Variants in GRIK4 observed in about 807,000 individuals in gnomAD.
GRIK4 encodes glutamate ionotropic receptor kainate type subunit 4.
Under a neutral mutation model 104.9 loss-of-function variants are expected in GRIK4, and 40 were observed. The observed-to-expected ratio is 0.38, with a 90% CI of 0.30 to 0.50. GRIK4 has a LOEUF of 0.50. Among genes scored for constraint, GRIK4 ranks in the 20% least tolerant of loss-of-function variants. The probability of loss-of-function intolerance (pLI) is 0.93; values close to 1 mark genes in which losing one functional copy is unlikely to be tolerated. For missense variants in GRIK4, 1,047 were observed against 1,308.1 expected (o/e 0.80, Z 3.08); for synonymous variants, 485 against 524.9 (o/e 0.92, Z 1.04).
In GRIK4 at chr11:120,982,155, C is replaced by T; in HGVS notation, c.2445C>T (p.Gly815=). The T allele has an allele frequency of 1.9e-6, 3 of 1,613,442 alleles. No homozygotes were observed. The part of the protein sequence containing the change: ...IGGIFVVLIC[G]LIVAIFMAML... ...GAATCTTTGTGGTTCTTATTTGTGG[C>T]TTAATCGTGGCCATTTTTATGGCTA... The change falls in exon 20 of 21, where the codon GGC becomes GGT. Residue 815 remains glycine (G), a synonymous_variant. Coordinates refer to ENST00000527524, the MANE Select transcript of GRIK4 (RefSeq NM_014619.5).
At chr11:120,619,991 A>G in intron 1 of GRIK4, 1 of 501,862 alleles carries the variant, frequency 2.0e-6, no homozygotes, top group South Asian at 3.4e-5. Context: ...TGTAATTGGG[A>G]GTTTGGGAAT....
chr11:120,716,485 C>T (rs1379161944), intron 3 of GRIK4, among the ~76,000 whole-genome samples: 1 of 152,148 alleles, frequency 6.6e-6, no homozygotes, highest in Non-Finnish European at 1.5e-5. Flanking sequence ...CTCAAGTGAT[C>T]CACCCACCTT....
At chr11:120,936,052 ATCT>A (rs1373326835) in intron 13 of GRIK4, 4 of 121,696 alleles carry the variant, frequency 3.3e-5, no homozygotes, top group African/African-American at 1.3e-4. Flanking sequence ...CCTGGTCTTC[ATCT>A]TCTTCATCTT....
At chr11:120,908,520 A>G (rs1322865445) in intron 13 of GRIK4, among the ~76,000 whole-genome samples, 1 of 152,154 alleles carries the variant, frequency 6.6e-6, no homozygotes, top group Non-Finnish European at 1.5e-5. Flanking sequence ...CAGGCTCCCT[A>G]GAAAACAGAG....
At chr11:120,677,684 TCTGGAGTTAGGCAGTGGTGA>T in intron 3 of GRIK4, among the ~76,000 whole-genome samples, 2 of 152,330 alleles carry the variant, frequency 1.3e-5, no homozygotes, top group South Asian at 4.1e-4. Context: ...AGACATCAGC[TCTGGAGTTAGGCAGTGGTGA>T]CTGTGGTGGT....
intron 3 of GRIK4, among the ~76,000 whole-genome samples, chr11:120,688,643 A>G (rs974043260): frequency 2.1e-4 from 32 of 152,232 alleles, no homozygotes; most frequent in African/African-American, 7.7e-4. Context: ...TTTTGATACC[A>G]GCAAACAGAT....
intron 1 of GRIK4, among the ~76,000 whole-genome samples, chr11:120,605,887 A>G (rs1266582140): frequency 6.6e-6 from 1 of 152,244 alleles, no homozygotes; most frequent in Admixed American, 6.5e-5. Flanking sequence ...TGCCAGGTCA[A>G]TGAGGCTGGT....
Position 120,967,413 on chromosome 11 carries a change from T to C in GRIK4, c.2395+90T>C. 7.2e-7 allele frequency: 1 copy of C among 1,393,368 alleles called. No homozygotes were observed. Among genetic ancestry groups the C allele is most frequent in the Non-Finnish European group, 9.8e-7 (1 of 1,023,932 alleles). The allele number at this position is 1,393,368 out of a possible 1,614,324, so 86.3% of individuals were successfully genotyped here. ...CAAATTCCAGGTACACATAATGACTTGTAGGACCCATTGAGAACGGCCTTG... is the reference window on the plus strand; with the variant it reads ...CAAATTCCAGGTACACATAATGACTCGTAGGACCCATTGAGAACGGCCTTG... On this transcript the variant is annotated intron_variant, in intron 19 of 20. Coordinates refer to ENST00000527524, the MANE Select transcript of GRIK4 (RefSeq NM_014619.5). This position sits in a 1 kb window ranked among gnomAD's most constrained non-coding sequence, Gnocchi z 4.2.
chr11:120,513,413 G>T lies in GRIK4; in HGVS notation c.-159+1526G>T, dbSNP rs559678660. On this transcript the variant is annotated intron_variant, in intron 1 of 20. Coordinates refer to ENST00000527524, the MANE Select transcript of GRIK4 (RefSeq NM_014619.5). This position sits in a 1 kb window ranked among gnomAD's most constrained non-coding sequence, Gnocchi z 4.5. ...TGTCTGTGCTCGCGTGGTCAGGGGC[G>T]AGGGGCTTGTCGAGGTCCACTGTGT... is the stretch of plus-strand genomic sequence containing the variant. 1.3e-5 allele frequency among the ~76,000 whole-genome samples: 2 copies of T among 152,248 alleles called. No individual in the cohort carries two copies. Among genetic ancestry groups the T allele is most frequent in the Admixed American group, 1.3e-4 (2 of 15,290 alleles).
At chr11:120,565,033 C>T (rs367880945) in intron 1 of GRIK4, among the ~76,000 whole-genome samples, 1 of 152,372 alleles carries the variant, frequency 6.6e-6, no homozygotes, top group South Asian at 2.1e-4. Flanking sequence ...GTCCCGGCCT[C>T]GTGCTCCCGC....
In GRIK4 at chr11:120,961,081, C is replaced by T. The variant is rs752585727; in HGVS notation, c.2040+7C>T. 9 of 1,612,636 alleles carry T rather than the reference C, an allele frequency of 5.6e-6. No individual in the cohort carries two copies. In the African/African-American group the frequency reaches 8.0e-5, roughly 14 times the overall value. ...CAGCATGACCTTCTTCCAAGTAAAC[C>T]CCATTTGGTTGCTCACCAGCATCGG... On this transcript the variant is annotated splice_region_variant and intron_variant, in intron 17 of 20. Transcript: ENST00000527524.
intron 1 of GRIK4, among the ~76,000 whole-genome samples, chr11:120,610,856 A>G (rs920371716): frequency 2.6e-5 from 4 of 152,160 alleles, no homozygotes; most frequent in African/African-American, 9.7e-5. Flanking sequence ...CTAGTGAGTC[A>G]CAAGCCTGGG....
At chr11:120,983,944 A>G (rs546427670) in intron 20 of GRIK4, among the ~76,000 whole-genome samples, 74 of 152,352 alleles carry the variant, frequency 4.9e-4, no homozygotes, top group Non-Finnish European at 7.9e-4. Context: ...AGTTATCACT[A>G]GAAGCACAGA....
intron 6 of GRIK4, among the ~76,000 whole-genome samples, chr11:120,826,667 A>G (rs1056613466): frequency 2.0e-5 from 3 of 152,214 alleles, no homozygotes; most frequent in African/African-American, 4.8e-5. Context: ...GACAGCCTCG[A>G]TGGCCAAACA....
rs903531144 is a variant in GRIK4, at chr11:120,524,147, G to A, written c.-159+12260G>A. 3.3e-5 allele frequency among the ~76,000 whole-genome samples: 5 copies of A among 152,136 alleles called. No individual in the cohort carries two copies. Among genetic ancestry groups the A allele is most frequent in the Non-Finnish European group, 7.4e-5 (5 of 68,018 alleles). ...TCATCATGTTAGCCAGGATGGTCTC[G>A]ATCTCCTGACCTCATGATCCACCAG... On this transcript the variant is annotated intron_variant, in intron 1 of 20. Coordinates refer to ENST00000527524, the MANE Select transcript of GRIK4 (RefSeq NM_014619.5). This position sits in a 1 kb window ranked among gnomAD's most constrained non-coding sequence, Gnocchi z 4.5.
At chr11:120,832,513 C>T (rs368297016) in intron 7 of GRIK4, among the ~76,000 whole-genome samples, 3 of 152,236 alleles carry the variant, frequency 2.0e-5, no homozygotes, top group East Asian at 1.9e-4. Context: ...GATCTCCCAG[C>T]GTAGAGCTCT....
At chr11:120,943,120 A>ACACACACACACG (rs1943765128) in intron 14 of GRIK4, among the ~76,000 whole-genome samples, 1 of 117,856 alleles carries the variant, frequency 8.5e-6, no homozygotes, top group Non-Finnish European at 1.6e-5. Flanking sequence ...ACACACACAC[A>ACACACACACACG]CACACACACA....
intron 1 of GRIK4, among the ~76,000 whole-genome samples, chr11:120,600,297 C>T (rs1176023327): frequency 6.6e-6 from 1 of 152,122 alleles, no homozygotes; most frequent in African/African-American, 2.4e-5. Context: ...TTATGGGTCC[C>T]ATTAGGGCAA....
chr11:120,790,776 G>C (rs1417524595), intron 3 of GRIK4, among the ~76,000 whole-genome samples: 4 of 152,144 alleles, frequency 2.6e-5, no homozygotes, highest in Admixed American at 2.6e-4. Flanking sequence ...GAACAGAAGG[G>C]GGGCAGTGGG....
Sources: gnomAD v4.1 joint callset for allele counts (sites outside exome capture counted in the v4.1 genomes callset) on GRCh38, gnomAD v4.1.1 for gene constraint, Gnocchi (gnomAD v3.1) non-coding constraint, MANE v1.5 for transcripts, NCBI Gene and HGNC (gene_info 2026-07-23, HGNC 2026-07-21) for gene names.